The following RASL12 variants were observed in gnomAD, a reference collection of about 807,000 sequenced individuals.
The protein encoded by RASL12 is RAS like family 12.
RASL12 carries 16 observed loss-of-function variants against 22.9 expected under a neutral mutation model. The observed-to-expected ratio is 0.70, with a 90% confidence interval of 0.47 to 1.06. The LOEUF is 1.06. RASL12 is among the 50% of genes least tolerant of loss of function. The pLI is 0.00. For missense variants in RASL12, 306 were observed against 353.1 expected, an observed-to-expected ratio of 0.87 and a Z score of 1.07; for synonymous variants, 159 against 152.2, an observed-to-expected ratio of 1.04 and a Z score of -0.33.
intron 1 of RASL12, chr15:65,076,392 A>G: frequency 2.1e-6 from 1 of 473,980 alleles, no homozygotes. Flanking sequence ...GAGCTGTAAC[A>G]CTCACAGCGA....
At position 65,054,544 on chromosome 15, in the gene RASL12, A is replaced by C. The variant is rs963956049; in HGVS notation, c.*355T>G. 9.4e-7 allele frequency: 1 copy of C among 1,064,528 alleles called. No homozygotes were observed. Among genetic ancestry groups the C allele is most frequent in the African/African-American group, 1.6e-5 (1 of 60,814 alleles). 65.9% of individuals were successfully genotyped at this position (1,064,528 alleles called of 1,614,324 possible). On this transcript the variant is annotated 3_prime_UTR_variant, in exon 5 of 5. Coordinates refer to ENST00000220062, the MANE Select transcript of RASL12 (RefSeq NM_016563.4). ...AGCCATCCACCCAGACCATCCACTA[A>C]GGCCACAGCTGGCCCAACTGTAGCT... is the stretch of plus-strand genomic sequence containing the variant.
chr15:65,054,815 G>C lies in RASL12; in HGVS notation c.*84C>G. ...AGGCGGGGTCTGCTGTCCATCAGAC[G>C]GAAAGGCTGGTGGTGAGAAGCCAGT... On this transcript the variant is annotated 3_prime_UTR_variant, in exon 5 of 5. Transcript: ENST00000220062. The C allele has an allele frequency of 6.6e-7, 1 of 1,525,522 alleles. No individual in the cohort carries two copies. Among genetic ancestry groups the C allele is most frequent in the Non-Finnish European group, 8.8e-7 (1 of 1,138,574 alleles). 94.5% of individuals were successfully genotyped at this position (1,525,522 alleles called of 1,614,324 possible).
intron 1 of RASL12, among the ~76,000 whole-genome samples, chr15:65,067,438 A>T (rs1440628357): frequency 1.3e-5 from 2 of 151,914 alleles, no homozygotes; most frequent in Admixed American, 6.6e-5. Flanking sequence ...GAGAGAGGGG[A>T]GAGACAGCAG....
At chr15:65,063,615 C>G (rs901715920) in intron 2 of RASL12, among the ~76,000 whole-genome samples, 6 of 152,214 alleles carry the variant, frequency 3.9e-5, no homozygotes, top group Admixed American at 3.3e-4. Flanking sequence ...GAACAAATCT[C>G]TTAGGGACTG....
intron 4 of RASL12, among the ~76,000 whole-genome samples, chr15:65,057,610 C>T (rs903457818): frequency 5.9e-5 from 9 of 152,170 alleles, no homozygotes; most frequent in African/African-American, 1.7e-4. Flanking sequence ...ACCTCCGATT[C>T]GAGTCCAACC....
At position 65,054,501 on chromosome 15, in the gene RASL12, C is replaced by T. The variant is rs1364986517; in HGVS notation, c.*398G>A. 33 of 1,006,442 alleles carry T rather than the reference C, an allele frequency of 3.3e-5. No homozygotes were observed. Among genetic ancestry groups the T allele is most frequent in the Non-Finnish European group, 3.7e-5 (31 of 843,688 alleles). The allele number at this position is 1,006,442 out of a possible 1,614,324, so 62.3% of individuals were successfully genotyped here. A position where few individuals can be genotyped will look rare whatever the true frequency, so the allele number is the denominator to read the frequency against. ...AGGCTGTCATTCCGCAGGCTGTTCT[C>T]GGGCCTGACATTGACAGAGCCATCC... On this transcript the variant is annotated 3_prime_UTR_variant, in exon 5 of 5. Transcript: ENST00000220062.
At chr15:65,048,618 CTT>C (rs2086606510), downstream of RASL12, among the ~76,000 whole-genome samples, 2 of 152,340 alleles carry the variant, frequency 1.3e-5, no homozygotes, top group South Asian at 4.1e-4. Context: ...AAACACTTCT[CTT>C]GTTTTATTTT....
rs2232758 is a variant in RASL12 at position 65,058,630 on chromosome 15, T to A, written c.235-13A>T. On this transcript the variant is annotated splice_polypyrimidine_tract_variant and intron_variant, in intron 3 of 4. Transcript: ENST00000220062. ...TCCTGGGGGTGTCCTGGGGTGAAGG[T>A]GAGAAGCCCCGCCGGGGGGCAGAGG... The A allele has an allele frequency of 0.45, 663,041 of 1,478,032 alleles. 153,578 individuals carry two copies. The highest frequency in any genetic ancestry group is 0.57 in the South Asian group (41,027 of 72,386). The allele number at this position is 1,478,032 out of a possible 1,614,324, so 91.6% of individuals were successfully genotyped here.
intron 1 of RASL12, among the ~76,000 whole-genome samples, chr15:65,075,045 G>A (rs1490870164): frequency 1.3e-5 from 2 of 152,240 alleles, no homozygotes; most frequent in East Asian, 1.9e-4. Flanking sequence ...AGCGGGAACC[G>A]GGGCTGCGTG....
rs994661906 is a variant in RASL12 at position 65,053,339 on chromosome 15, C to T, written c.*1560G>A. 11 of 1,415,964 alleles carry T rather than the reference C, an allele frequency of 7.8e-6. No individual in the cohort carries two copies. In the African/African-American group the frequency reaches 1.3e-4, roughly 17 times the overall value. The allele number at this position is 1,415,964 out of a possible 1,614,324, so 87.7% of individuals were successfully genotyped here. ...AATGAACTGCAAGCAAACTAAAATT[C>T]TGTTATTAAAAAAAATCTTTTATTA... On this transcript the variant is annotated 3_prime_UTR_variant, in exon 5 of 5. Coordinates refer to ENST00000220062, the MANE Select transcript of RASL12 (RefSeq NM_016563.4).
chr15:65,051,377 G>A (rs2086650945), downstream of RASL12: 5 of 738,410 alleles, frequency 6.8e-6, no homozygotes, highest in Non-Finnish European at 1.2e-5. Context: ...CAGGGCAAGG[G>A]GCCCATCTTT....
rs533893742 is a variant in RASL12 at position 65,056,211 on chromosome 15, T to C, written c.426-937A>G. ...TACTGCTGAGCTGTCCCGCTGCCCATTCCCGAGGATAATGGCACAGCCACT... is the reference window on the plus strand; with the variant it reads ...TACTGCTGAGCTGTCCCGCTGCCCACTCCCGAGGATAATGGCACAGCCACT... On this transcript the variant is annotated intron_variant, in intron 4 of 4. Coordinates refer to ENST00000220062, the MANE Select transcript of RASL12 (RefSeq NM_016563.4). Among the ~76,000 whole-genome samples the C allele has an allele frequency of 2.0e-5, 3 of 152,138 alleles. No homozygotes were observed. In the South Asian group the frequency reaches 6.2e-4, roughly 32 times the overall value.
intron 4 of RASL12, among the ~76,000 whole-genome samples, chr15:65,056,024 C>T (rs1285125142): frequency 6.6e-6 from 1 of 152,102 alleles, no homozygotes; most frequent in African/African-American, 2.4e-5. Flanking sequence ...ATATCCGGAA[C>T]TTGGGAAGGT....
At chr15:65,052,805 A>G (rs948429087), downstream of RASL12, among the ~76,000 whole-genome samples, 4 of 152,150 alleles carry the variant, frequency 2.6e-5, no homozygotes, top group Non-Finnish European at 5.9e-5. Context: ...AGGGTAAGCC[A>G]TTTCTCTGTT....
upstream of RASL12, among the ~76,000 whole-genome samples, chr15:65,070,145 A>C (rs1437881753): frequency 6.6e-6 from 1 of 152,176 alleles, no homozygotes; most frequent in Non-Finnish European, 1.5e-5. Context: ...GCATGCAACT[A>C]TAGTCCCAGC....
downstream of RASL12, chr15:65,049,760 C>T: frequency 2.5e-6 from 1 of 402,340 alleles, no homozygotes; most frequent in Non-Finnish European, 4.5e-6. Flanking sequence ...CTCTGCCCCT[C>T]CAGGCTCCAC....
At chr15:65,076,616 G>A (rs751574196) in exon 1 of RASL12, 12 of 703,718 alleles carry the variant, frequency 1.7e-5, no homozygotes, top group South Asian at 1.3e-4. Context: ...AAGGATATGA[G>A]TGATCACACA....
At chr15:65,048,926 C>T (rs2086610065), downstream of RASL12, among the ~76,000 whole-genome samples, 1 of 147,288 alleles carries the variant, frequency 6.8e-6, no homozygotes, top group Non-Finnish European at 1.5e-5. Flanking sequence ...AGGAGAATCG[C>T]TTGAACCTGG....
the RASL12 span, among the ~76,000 whole-genome samples, chr15:65,047,795 TGATAGATA>T: frequency 0.36 from 53,484 of 149,800 alleles, 9,777 homozygotes; most frequent in East Asian, 0.68. Flanking sequence ...GATCGATAGA[TGATAGATA>T]GATAGATAGA....
Sources: gnomAD v4.1 joint callset for allele counts (sites outside exome capture counted in the v4.1 genomes callset) on GRCh38, gnomAD v4.1.1 for gene constraint, MANE v1.5 for transcripts, NCBI Gene and HGNC (gene_info 2026-07-23, HGNC 2026-07-21) for gene names.